Variants in MYO5B observed in about 807,000 individuals in gnomAD.
MYO5B encodes the protein unconventional myosin-Vb.
A neutral mutation model predicts 229.3 loss-of-function variants in MYO5B; 143 were observed. The ratio of observed to expected loss-of-function variants is 0.62; its 90% CI spans 0.54 to 0.72. MYO5B has a LOEUF of 0.72. Ranked by LOEUF, MYO5B falls within the 30% of genes least tolerant of loss-of-function variation. The probability of loss-of-function intolerance (pLI) is 0.00; values close to 1 mark genes in which losing one functional copy is unlikely to be tolerated. For synonymous variants in MYO5B, 918 were observed against 885.2 expected, an observed-to-expected ratio of 1.04 and a Z score of -0.66; for missense variants, 2,321 against 2,331.0, an observed-to-expected ratio of 1.00 and a Z score of 0.09.
chr18:49,876,291 A>G (rs2024522235), intron 25 of MYO5B: 1 of 278,568 alleles, frequency 3.6e-6, no homozygotes, highest in Non-Finnish European at 6.9e-6. Context: ...AATGGAATCA[A>G]TGCTTGCTCT....
intron 1 of MYO5B, among the ~76,000 whole-genome samples, chr18:50,058,840 T>C (rs779170744): frequency 2.2e-4 from 33 of 152,222 alleles, no homozygotes; most frequent in Non-Finnish European, 4.3e-4. Flanking sequence ...GTAAAATGTT[T>C]ACTATCTGAT....
intron 3 of MYO5B, among the ~76,000 whole-genome samples, chr18:50,038,907 C>A (rs2029915013): frequency 6.6e-6 from 1 of 152,214 alleles, no homozygotes; most frequent in African/African-American, 2.4e-5. Context: ...AAAACTCCCA[C>A]CAGCAGTTGG....
chr18:49,967,332 A>C (rs570709494), intron 10 of MYO5B, among the ~76,000 whole-genome samples: 109 of 152,354 alleles, frequency 7.2e-4, no homozygotes, highest in South Asian at 3.5e-3. Context: ...TTAGTCACTA[A>C]GTTAATGATC....
At chr18:49,993,929 C>T (rs2025959469) in intron 5 of MYO5B, among the ~76,000 whole-genome samples, 1 of 152,146 alleles carries the variant, frequency 6.6e-6, no homozygotes, top group Admixed American at 6.5e-5. Context: ...GGAACCGACC[C>T]TTCCCTGCCT....
In MYO5B at chr18:49,928,765, A is replaced by T. The variant is rs554016087; in HGVS notation, c.2090+747T>A. ...AGTGGATAAAGAAAATGTGGTACGTATATATGAAGTACTACTCAGCCATAA... is the reference window on the plus strand; with the variant it reads ...AGTGGATAAAGAAAATGTGGTACGTTTATATGAAGTACTACTCAGCCATAA... On this transcript the variant is annotated intron_variant, in intron 17 of 39. Transcript: ENST00000285039. Among the ~76,000 whole-genome samples, 158 of 152,340 alleles carry T rather than the reference A, an allele frequency of 1.0e-3. 1 individual carries two copies. The highest frequency in any genetic ancestry group is 1.1e-3 in the Non-Finnish European group (72 of 68,036).
rs373248607 is a variant in MYO5B, at chr18:49,912,115, C to T, written c.2149G>A (p.Ala717Thr). 42 of 1,613,928 alleles carry T rather than the reference C, an allele frequency of 2.6e-5. No homozygotes were observed. In the East Asian group the frequency reaches 2.7e-4, roughly 10 times the overall value. Residue 717 changes from alanine (A) to threonine (T), a missense_variant, in exon 18 of 40, where the codon GCC (alanine) becomes ACC (threonine). Coordinates refer to ENST00000285039, the MANE Select transcript of MYO5B (RefSeq NM_001080467.3). Reference sequence around the variant, plus strand: ...CAGATGGCCTTTTTGTCTGTGTTGGCGAGCTCTCTCTTCTTGACCAGCACC... The same window carrying T: ...CAGATGGCCTTTTTGTCTGTGTTGGTGAGCTCTCTCTTCTTGACCAGCACC... ...YRVLVKKREL[A>T]NTDKKAICRS...
intron 26 of MYO5B, among the ~76,000 whole-genome samples, chr18:49,875,193 A>G (rs2144098985): frequency 6.6e-6 from 1 of 152,320 alleles, no homozygotes; most frequent in Middle Eastern, 3.4e-3. Context: ...TATCCTTTCT[A>G]GACCCAAGAG....
chr18:49,894,574 C>T (rs1272100749), intron 22 of MYO5B, among the ~76,000 whole-genome samples: 2 of 150,330 alleles, frequency 1.3e-5, no homozygotes, highest in Non-Finnish European at 2.9e-5. Context: ...AAGCTGCCCT[C>T]CCCTGCAGGC....
intron 5 of MYO5B, 101 bp downstream of exon 5, chr18:50,001,154 G>GGA: frequency 6.9e-7 from 1 of 1,443,510 alleles, no homozygotes; most frequent in Admixed American, 1.7e-5. Flanking sequence ...GGGCTCTCAG[G>GGA]GAGAGGCGTG....
intron 1 of MYO5B, among the ~76,000 whole-genome samples, chr18:50,082,988 C>T (rs1416918278): frequency 1.3e-5 from 2 of 152,174 alleles, no homozygotes; most frequent in African/African-American, 2.4e-5. Context: ...CAAGATCATA[C>T]CCACTGCCAG....
In MYO5B at chr18:50,008,597, C is replaced by T. The variant is rs138267068; in HGVS notation, c.456-7186G>A. ...CCTCAGACAGGTACAACTCTATTTACCTGAATTGGAAACTCCCTGAGAGGA... is the reference window on the plus strand; with the variant it reads ...CCTCAGACAGGTACAACTCTATTTATCTGAATTGGAAACTCCCTGAGAGGA... On this transcript the variant is annotated intron_variant, in intron 4 of 39. Coordinates refer to ENST00000285039, the MANE Select transcript of MYO5B (RefSeq NM_001080467.3). Among the ~76,000 whole-genome samples the T allele has an allele frequency of 5.3e-5, 8 of 152,232 alleles. No individual in the cohort carries two copies. In the East Asian group the frequency reaches 1.4e-3, roughly 26 times the overall value.
intron 27 of MYO5B, among the ~76,000 whole-genome samples, chr18:49,871,203 A>C (rs1317188323): frequency 7.9e-5 from 12 of 152,224 alleles, no homozygotes; most frequent in Non-Finnish European, 1.2e-4. Flanking sequence ...ATACGATTCT[A>C]CTTACATGAG....
At chr18:50,063,542 CAGCAGAGAGCCACTG>C (rs895040740) in intron 1 of MYO5B, among the ~76,000 whole-genome samples, 36 of 152,212 alleles carry the variant, frequency 2.4e-4, no homozygotes, top group Admixed American at 7.2e-4. Context: ...CAGACGGGGA[CAGCAGAGAGCCACTG>C]AGCAACCTCG....
chr18:49,877,501 G>A (rs1335380512), intron 25 of MYO5B, among the ~76,000 whole-genome samples: 1 of 143,994 alleles, frequency 6.9e-6, no homozygotes, highest in East Asian at 2.4e-4. Flanking sequence ...TTTTCAAGAG[G>A]AATCAGAGAT....
chr18:49,943,279 C>A (rs971853377), intron 14 of MYO5B, among the ~76,000 whole-genome samples: 7 of 151,534 alleles, frequency 4.6e-5, no homozygotes, highest in African/African-American at 1.7e-4. Flanking sequence ...TGACGAGTTA[C>A]TGGGTGCAGC....
chr18:50,160,859 C>T (rs919282065), intron 1 of MYO5B, among the ~76,000 whole-genome samples: 12 of 152,196 alleles, frequency 7.9e-5, no homozygotes, highest in Non-Finnish European at 1.8e-4. Flanking sequence ...GTGGAGACTG[C>T]ATTCCTGTCC....
intron 1 of MYO5B, among the ~76,000 whole-genome samples, chr18:50,121,845 CA>C (rs1284475899): frequency 6.6e-6 from 1 of 152,238 alleles, no homozygotes; most frequent in African/African-American, 2.4e-5. Flanking sequence ...AGCAGACAAC[CA>C]AAGACTGCCA....
chr18:49,893,513 C>G lies in MYO5B; in HGVS notation c.3045+1428G>C, dbSNP rs548500810. 9.2e-5 allele frequency among the ~76,000 whole-genome samples: 14 copies of G among 152,330 alleles called. No homozygotes were observed. The East Asian group carries it at 2.1e-3, about 23-fold the overall frequency. Reference sequence around the variant, plus strand: ...AGTTTCCAAGCACCACGTGCTTTCTCCCAAAGAATGAATCCACTTCATGTC... The same window carrying G: ...AGTTTCCAAGCACCACGTGCTTTCTGCCAAAGAATGAATCCACTTCATGTC... On this transcript the variant is annotated intron_variant, in intron 22 of 39. Transcript: ENST00000285039.
chr18:49,843,427 A>T (rs766967843), intron 33 of MYO5B, 35 bp from the exon 34 acceptor site: 1 of 1,612,820 alleles, frequency 6.2e-7, no homozygotes, highest in South Asian at 1.1e-5. Context: ...GGCAAGTTAG[A>T]TCTATGGGGG....
Sources: allele counts gnomAD v4.1 joint callset (sites outside exome capture counted in the v4.1 genomes callset), GRCh38; gene constraint gnomAD v4.1.1; transcripts MANE v1.5; gene names NCBI Gene and HGNC (gene_info 2026-07-23, HGNC 2026-07-21).